FOXP2: variants seen among roughly 807,000 people sequenced by gnomAD.
FOXP2 encodes the protein forkhead box protein P2.
Under a neutral mutation model 115.8 loss-of-function variants are expected in FOXP2, and 12 were observed. The observed-to-expected ratio is 0.10, with a 90% CI of 0.07 to 0.17. The LOEUF is 0.17. FOXP2 is among the 10% of genes least tolerant of loss of function. The pLI is 1.00. For synonymous variants in FOXP2, 328 were observed against 297.7 expected (o/e 1.10, Z -1.05); for missense variants, 629 against 843.5 (o/e 0.75, Z 3.15).
At chr7:114,087,922 A>G (rs571489294) in intron 1 of FOXP2, 1 of 152,032 alleles carries the variant, frequency 6.6e-6, no homozygotes, top group East Asian at 1.9e-4. Flanking sequence ...AAGTCTGGGG[A>G]TTGGAAAGCG....
chr7:114,686,845 T>G (rs771084349), intron 16 of FOXP2, among the ~76,000 whole-genome samples: 4 of 152,072 alleles, frequency 2.6e-5, no homozygotes, highest in Non-Finnish European at 5.9e-5. Flanking sequence ...TTAAGACATT[T>G]TCTTTTAATG....
chr7:114,104,616 A>G (rs1344282583), intron 1 of FOXP2, among the ~76,000 whole-genome samples: 1 of 152,010 alleles, frequency 6.6e-6, no homozygotes, highest in Non-Finnish European at 1.5e-5. Flanking sequence ...ATGTTTTCCA[A>G]CAAGAACACT....
chr7:114,413,855 C>T (rs1793234920), upstream of FOXP2, among the ~76,000 whole-genome samples: 4 of 152,022 alleles, frequency 2.6e-5, no homozygotes, highest in African/African-American at 7.2e-5. Flanking sequence ...AAGATCTCTT[C>T]GAAGTGCTTT....
intron 1 of FOXP2, among the ~76,000 whole-genome samples, chr7:114,102,696 C>CCACA (rs10624558): frequency 0.16 from 21,907 of 136,220 alleles, 1,750 homozygotes; most frequent in East Asian, 0.26. Flanking sequence ...ACACCACACA[C>CCACA]CACACACACA....
intron 3 of FOXP2, among the ~76,000 whole-genome samples, chr7:114,562,110 A>G (rs1800786447): frequency 6.6e-6 from 1 of 152,138 alleles, no homozygotes; most frequent in Non-Finnish European, 1.5e-5. Flanking sequence ...GTTGTATCCC[A>G]TGATTAAGGA....
intron 2 of FOXP2, among the ~76,000 whole-genome samples, chr7:114,513,093 A>AAAC (rs1798158297): frequency 6.6e-6 from 1 of 152,104 alleles, no homozygotes; most frequent in Admixed American, 6.6e-5. Flanking sequence ...AAAACAAAAC[A>AAAC]AACAACAACA....
chr7:114,457,461 C>T (rs1562937933), intron 2 of FOXP2, among the ~76,000 whole-genome samples: 1 of 151,870 alleles, frequency 6.6e-6, no homozygotes, highest in African/African-American at 2.4e-5. Context: ...CAGCTGTCTC[C>T]TGTAAAAGGA....
chr7:114,142,276 C>A (rs774094775), intron 1 of FOXP2, among the ~76,000 whole-genome samples: 1 of 152,164 alleles, frequency 6.6e-6, no homozygotes, highest in Non-Finnish European at 1.5e-5. Flanking sequence ...CCCGCCTTGG[C>A]CTCCCAAAGT....
intron 2 of FOXP2, among the ~76,000 whole-genome samples, chr7:114,491,739 C>T (rs1797066256): frequency 6.6e-6 from 1 of 152,146 alleles, no homozygotes; most frequent in Non-Finnish European, 1.5e-5. Flanking sequence ...GTTGAACCAG[C>T]CTTGCATCCC....
At chr7:114,617,789 C>A (rs1804030593) in intron 3 of FOXP2, among the ~76,000 whole-genome samples, 1 of 152,108 alleles carries the variant, frequency 6.6e-6, no homozygotes, top group African/African-American at 2.4e-5. Flanking sequence ...CCAGACCCTT[C>A]TCAAAAAGGG....
At chr7:114,206,443 C>G (rs1405097512) in intron 1 of FOXP2, among the ~76,000 whole-genome samples, 1 of 152,122 alleles carries the variant, frequency 6.6e-6, no homozygotes, top group Non-Finnish European at 1.5e-5. Context: ...GAGTCCTCAG[C>G]CAGGCAAGCA....
At chr7:114,241,446 G>T (rs943271698) in intron 1 of FOXP2, among the ~76,000 whole-genome samples, 2 of 152,026 alleles carry the variant, frequency 1.3e-5, no homozygotes, top group Admixed American at 6.6e-5. Context: ...CTGAATTTAA[G>T]TCATGCACAA....
At chr7:114,604,575 G>A (rs746450344) in intron 3 of FOXP2, among the ~76,000 whole-genome samples, 12 of 152,072 alleles carry the variant, frequency 7.9e-5, no homozygotes, top group East Asian at 3.9e-4. Context: ...CTTTCTATAC[G>A]TTGGTTTTGC....
chr7:114,491,966 G>T (rs964248118), intron 2 of FOXP2, among the ~76,000 whole-genome samples: 1 of 152,124 alleles, frequency 6.6e-6, no homozygotes, highest in Non-Finnish European at 1.5e-5. Flanking sequence ...CTATTGATTG[G>T]AATAGTTTCA....
chr7:114,143,672 T>G (rs1487321176), intron 1 of FOXP2, among the ~76,000 whole-genome samples: 1 of 152,198 alleles, frequency 6.6e-6, no homozygotes, highest in African/African-American at 2.4e-5. Context: ...AAAGCTTCTG[T>G]TCACATTCCA....
intron 8 of FOXP2, among the ~76,000 whole-genome samples, chr7:114,651,160 T>C (rs955255133): frequency 8.5e-5 from 13 of 152,184 alleles, no homozygotes; most frequent in South Asian, 6.2e-4. Context: ...TAGACTATTA[T>C]ATCATTCTAA....
intron 6 of FOXP2, 142 bp from the exon 7 acceptor site, chr7:114,642,268 A>C (rs970364016): frequency 4.9e-5 from 34 of 696,426 alleles, no homozygotes; most frequent in Non-Finnish European, 8.0e-5. Context: ...CTGATAGTGT[A>C]AAAGTGATTT....
chr7:114,280,581 A>T (rs576289198), intron 1 of FOXP2, among the ~76,000 whole-genome samples: 5 of 152,294 alleles, frequency 3.3e-5, no homozygotes, highest in African/African-American at 9.6e-5. Flanking sequence ...ACTCTGTTCT[A>T]TGAAAAGTGA....
At chr7:114,497,963 C>A (rs1226920771) in intron 2 of FOXP2, among the ~76,000 whole-genome samples, 3 of 152,216 alleles carry the variant, frequency 2.0e-5, no homozygotes, top group East Asian at 3.9e-4. Flanking sequence ...CCTACAGAAA[C>A]TGAATGACTA....
Sources: allele counts gnomAD v4.1 joint callset (sites outside exome capture counted in the v4.1 genomes callset), GRCh38; gene constraint gnomAD v4.1.1; transcripts MANE v1.5; gene names NCBI Gene and HGNC (gene_info 2026-07-23, HGNC 2026-07-21).